MED12L: variants seen among roughly 807,000 people sequenced by gnomAD.
The protein encoded by MED12L is mediator of RNA polymerase II transcription subunit 12-like protein.
Under a neutral mutation model 281.3 loss-of-function variants are expected in MED12L, and 60 were observed. The observed-to-expected ratio is 0.21, with a 90% confidence interval of 0.17 to 0.26. The LOEUF (loss-of-function observed/expected upper bound fraction) is 0.26. MED12L is among the 10% of genes least tolerant of loss of function. The pLI, the probability that MED12L is intolerant of heterozygous loss-of-function variation, is 1.00. For synonymous variants in MED12L, 974 were observed against 987.2 expected (o/e 0.99, Z 0.25); for missense variants, 2,146 against 2,680.9 (o/e 0.80, Z 4.41).
intron 39 of MED12L, among the ~76,000 whole-genome samples, chr3:151,405,708 A>C (rs1716218302): frequency 6.6e-6 from 1 of 152,220 alleles, no homozygotes. Flanking sequence ...ATTAAAAAAT[A>C]TGAAGTTAAA....
intron 35 of MED12L, among the ~76,000 whole-genome samples, chr3:151,384,517 C>G (rs3821664): frequency 0.11 from 17,282 of 152,066 alleles, 1,326 homozygotes; most frequent in African/African-American, 0.22. Flanking sequence ...TAGGATAACT[C>G]TATGCTTGGA....
In MED12L at chr3:151,368,752, G is replaced by T. The variant is rs866928631; in HGVS notation, c.3550+501G>T. On this transcript the variant is annotated intron_variant, in intron 25 of 44. Transcript: ENST00000687756. The stretch of plus-strand genomic sequence containing the variant: ...TTCATTTCATTTCATTTCATTTCAT[G>T]TCATTTCATTTTTTTTTTTTTTTTT... 1.5e-3 allele frequency among the ~76,000 whole-genome samples: 139 copies of T among 90,448 alleles called. 2 individuals carry two copies. The highest frequency in any genetic ancestry group is 3.5e-3 in the South Asian group (10 of 2,886). The allele number at this position is 90,448 out of a possible 152,430, so 59.3% of individuals were successfully genotyped here.
At chr3:151,342,775 GCCTT>G (rs1432163381) in intron 16 of MED12L, among the ~76,000 whole-genome samples, 4 of 152,210 alleles carry the variant, frequency 2.6e-5, no homozygotes, top group African/African-American at 9.6e-5. Context: ...ACAAATCTTA[GCCTT>G]CCTTATTTGT....
At chr3:151,430,815 A>C in intron 44 of MED12L, among the ~76,000 whole-genome samples, 1 of 109,840 alleles carries the variant, frequency 9.1e-6, no homozygotes, top group Non-Finnish European at 2.1e-5. Flanking sequence ...GAATGTTCTT[A>C]CCACTGCACC....
chr3:151,326,990 T>G (rs1749682352), intron 16 of MED12L: 1 of 152,242 alleles, frequency 6.6e-6, no homozygotes. Flanking sequence ...CGTCTTTGTA[T>G]GTATCGAGAA....
intron 16 of MED12L, among the ~76,000 whole-genome samples, chr3:151,307,919 T>G (rs1746933939): frequency 6.6e-6 from 1 of 152,090 alleles, no homozygotes; most frequent in Admixed American, 6.5e-5. Context: ...CTGGATTCAG[T>G]AGGCAGCTGT....
chr3:151,144,844 G>A (rs1035276887), intron 5 of MED12L, among the ~76,000 whole-genome samples: 2 of 151,982 alleles, frequency 1.3e-5, no homozygotes, highest in African/African-American at 2.4e-5. Flanking sequence ...ATTCACTGCC[G>A]CCCCCGACAT....
intron 2 of MED12L, among the ~76,000 whole-genome samples, chr3:151,095,074 C>G (rs1283787317): frequency 6.6e-6 from 1 of 152,188 alleles, no homozygotes; most frequent in Non-Finnish European, 1.5e-5. Flanking sequence ...TTTTCCTCAC[C>G]TATAAGCTGC....
chr3:151,185,458 A>G lies in MED12L; in HGVS notation c.1623A>G (p.Ala541=), dbSNP rs896907891. ...AGAAGAGGCAAGCAGAAATTGAGGC[A>G]GAGGTAGGTTCCATTTTCTTTCTGC... ...LLEKRQAEIE[A]ERCGESEVLD... is the part of the protein sequence containing the mutation. Residue 541 remains alanine, a synonymous_variant, in exon 12 of 45, where the codon GCA becomes GCG. Coordinates refer to ENST00000687756, the MANE Select transcript of MED12L (RefSeq NM_001393769.1). The G allele has an allele frequency of 6.2e-7, 1 of 1,613,922 alleles. No individual in the cohort carries two copies. The highest frequency in any genetic ancestry group is 1.7e-5 in the Admixed American group (1 of 59,998).
At chr3:151,386,170 A>G (rs1180219018) in intron 36 of MED12L, among the ~76,000 whole-genome samples, 1 of 152,230 alleles carries the variant, frequency 6.6e-6, no homozygotes, top group Non-Finnish European at 1.5e-5. Flanking sequence ...AATTTAGAGT[A>G]GCCTGAGAAT....
At chr3:151,183,569 A>G (rs1249995708) in intron 11 of MED12L, among the ~76,000 whole-genome samples, 1 of 152,232 alleles carries the variant, frequency 6.6e-6, no homozygotes, top group African/African-American at 2.4e-5. Context: ...GTTTTGGTTT[A>G]TAAAAGGGAT....
At chr3:151,331,329 ATGTTTAGGCGCCAGAG>A (rs1028001861) in intron 16 of MED12L, among the ~76,000 whole-genome samples, 2 of 152,196 alleles carry the variant, frequency 1.3e-5, no homozygotes, top group African/African-American at 4.8e-5. Flanking sequence ...GCTCAGCAGA[ATGTTTAGGCGCCAGAG>A]TGCCTGGGCT....
chr3:151,417,610 C>G (rs1717768653), intron 43 of MED12L, among the ~76,000 whole-genome samples: 1 of 151,462 alleles, frequency 6.6e-6, no homozygotes, highest in Non-Finnish European at 1.5e-5. Flanking sequence ...CTCAGCCTCC[C>G]AAGTAGCTGG....
chr3:151,292,156 T>C (rs1051219481), intron 16 of MED12L, among the ~76,000 whole-genome samples: 13 of 152,228 alleles, frequency 8.5e-5, no homozygotes, highest in African/African-American at 3.1e-4. Flanking sequence ...ATACATTTAA[T>C]AGCTTATATA....
chr3:151,337,941 C>A (rs1364658715), intron 16 of MED12L: 2 of 1,613,958 alleles, frequency 1.2e-6, no homozygotes, highest in South Asian at 2.2e-5. Flanking sequence ...GAAGGACTTG[C>A]AAAGGAAAAA....
chr3:151,377,337 GGTGAA>G (rs1756968783), intron 30 of MED12L, among the ~76,000 whole-genome samples, 159 bp downstream of exon 30: 1 of 152,124 alleles, frequency 6.6e-6, no homozygotes, highest in South Asian at 2.1e-4. Context: ...GTAAAGCTGG[GGTGAA>G]TGATAGCTTC....
chr3:151,394,356 T>A (rs1001818463), intron 38 of MED12L, among the ~76,000 whole-genome samples: 9 of 152,240 alleles, frequency 5.9e-5, no homozygotes, highest in Admixed American at 1.3e-4. Flanking sequence ...TTGCCTAATT[T>A]AAAACCCATG....
intron 16 of MED12L, among the ~76,000 whole-genome samples, chr3:151,201,245 T>TCA (rs1553740002): frequency 8.6e-5 from 13 of 150,524 alleles, no homozygotes; most frequent in African/African-American, 1.5e-4. Context: ...TCTCTCTCTC[T>TCA]CACACGCACA....
intron 5 of MED12L, among the ~76,000 whole-genome samples, chr3:151,154,967 T>C (rs1018852392): frequency 6.6e-6 from 1 of 152,244 alleles, no homozygotes; most frequent in Non-Finnish European, 1.5e-5. Context: ...AACTCCAGCG[T>C]GCATTTGAAT....
Sources: gnomAD v4.1 joint callset for allele counts (sites outside exome capture counted in the v4.1 genomes callset) on GRCh38, gnomAD v4.1.1 for gene constraint, MANE v1.5 for transcripts, NCBI Gene and HGNC (gene_info 2026-07-23, HGNC 2026-07-21) for gene names.